The following CLSTN2 variants were observed in gnomAD, a reference collection of about 807,000 sequenced individuals.
The protein encoded by CLSTN2 is calsyntenin 2.
CLSTN2 carries 48 observed loss-of-function variants against 101.2 expected under a neutral mutation model. That is an observed-to-expected ratio of 0.47 (90% confidence interval 0.38 to 0.60). The LOEUF is 0.60. Among genes scored for constraint, CLSTN2 ranks in the 20% least tolerant of loss-of-function variants. The pLI, the probability that CLSTN2 is intolerant of heterozygous loss-of-function variation, is 0.00. For synonymous variants in CLSTN2, 481 were observed against 463.6 expected (o/e 1.04, Z -0.48); for missense variants, 1,160 against 1,238.2 (o/e 0.94, Z 0.95).
At chr3:139,995,430 G>C (rs1037532865) in intron 1 of CLSTN2, among the ~76,000 whole-genome samples, 1 of 152,174 alleles carries the variant, frequency 6.6e-6, no homozygotes, top group African/African-American at 2.4e-5. Context: ...TTCTCAAGCT[G>C]GGAGCCACAT....
chr3:140,520,215 C>T (rs1333687442), intron 8 of CLSTN2, among the ~76,000 whole-genome samples: 2 of 152,202 alleles, frequency 1.3e-5, no homozygotes, highest in South Asian at 4.2e-4. Context: ...CCTGGCCTTT[C>T]TCTCTGACTG....
At chr3:140,239,933 G>A (rs114788346) in intron 2 of CLSTN2, among the ~76,000 whole-genome samples, 15 of 8,908 alleles carry the variant, frequency 1.7e-3, no homozygotes, top group South Asian at 0.033. Flanking sequence ...GTATATATAT[G>A]TGTATATATA....
intron 1 of CLSTN2, among the ~76,000 whole-genome samples, chr3:140,083,441 T>A (rs570504715): frequency 4.1e-4 from 62 of 152,346 alleles, no homozygotes; most frequent in African/African-American, 1.4e-3. Context: ...AATGGATGAA[T>A]GAATTAATGA....
intron 1 of CLSTN2, among the ~76,000 whole-genome samples, chr3:140,044,457 C>A (rs945644656): frequency 1.6e-4 from 24 of 152,320 alleles, no homozygotes; most frequent in Admixed American, 1.1e-3. Flanking sequence ...TCTAGATATA[C>A]AATCATGTCA....
At chr3:140,221,432 C>T (rs958812577) in intron 2 of CLSTN2, among the ~76,000 whole-genome samples, 4 of 151,868 alleles carry the variant, frequency 2.6e-5, no homozygotes, top group Admixed American at 6.6e-5. Flanking sequence ...AAAAAAGTGA[C>T]TTGTGGAACA....
At chr3:139,992,084 G>A (rs1358104756) in intron 1 of CLSTN2, among the ~76,000 whole-genome samples, 1 of 152,128 alleles carries the variant, frequency 6.6e-6, no homozygotes, top group Non-Finnish European at 1.5e-5. Flanking sequence ...TGCTACTAGA[G>A]GAATGGAAAT....
intron 4 of CLSTN2, among the ~76,000 whole-genome samples, chr3:140,413,704 A>G (rs1223576132): frequency 1.3e-5 from 2 of 152,230 alleles, no homozygotes; most frequent in African/African-American, 2.4e-5. Flanking sequence ...ATCATACACC[A>G]TGATTAAGTG....
chr3:140,110,228 G>A (rs2009131493), intron 1 of CLSTN2, among the ~76,000 whole-genome samples: 1 of 152,088 alleles, frequency 6.6e-6, no homozygotes, highest in African/African-American at 2.4e-5. Flanking sequence ...TTTTAATTAG[G>A]ATGAAGTTCT....
intron 1 of CLSTN2, among the ~76,000 whole-genome samples, chr3:140,050,209 C>T (rs1290352687): frequency 6.6e-6 from 1 of 152,148 alleles, no homozygotes; most frequent in East Asian, 1.9e-4. Flanking sequence ...CTTTTTGAGT[C>T]TCTGTTTCTC....
intron 2 of CLSTN2, among the ~76,000 whole-genome samples, chr3:140,253,902 T>C (rs2086584109): frequency 6.6e-6 from 1 of 152,112 alleles, no homozygotes; most frequent in Non-Finnish European, 1.5e-5. Context: ...GTGATGTGTG[T>C]GAACTGTTAG....
At chr3:140,339,157 G>A (rs746441306) in intron 2 of CLSTN2, among the ~76,000 whole-genome samples, 11 of 152,204 alleles carry the variant, frequency 7.2e-5, no homozygotes, top group Non-Finnish European at 1.3e-4. Flanking sequence ...TTCTCAGAAC[G>A]TTGGTACCTT....
At chr3:140,200,930 T>C (rs1320407074) in intron 2 of CLSTN2, among the ~76,000 whole-genome samples, 2 of 152,124 alleles carry the variant, frequency 1.3e-5, no homozygotes, top group African/African-American at 2.4e-5. Context: ...CCAAAGGACC[T>C]TGATAGCATA....
intron 1 of CLSTN2, among the ~76,000 whole-genome samples, chr3:140,119,488 T>C: frequency 6.6e-6 from 1 of 152,158 alleles, no homozygotes; most frequent in East Asian, 1.9e-4. Flanking sequence ...ATTGTTGGAA[T>C]GTATGGGAGG....
intron 8 of CLSTN2, chr3:140,507,954 G>C (rs932618341): frequency 1.3e-5 from 2 of 152,156 alleles, no homozygotes; most frequent in Non-Finnish European, 2.9e-5. Flanking sequence ...CCAATCCCAA[G>C]TAAGTGGATA....
chr3:140,185,481 A>G (rs537148065), intron 2 of CLSTN2, among the ~76,000 whole-genome samples: 1 of 152,290 alleles, frequency 6.6e-6, no homozygotes, highest in East Asian at 1.9e-4. Context: ...ATGCAAACAC[A>G]TTATGGTATT....
At chr3:139,997,047 C>CAAAA (rs369329154) in intron 1 of CLSTN2, among the ~76,000 whole-genome samples, 2 of 84,964 alleles carry the variant, frequency 2.4e-5, no homozygotes, top group Non-Finnish European at 2.1e-5. Flanking sequence ...GACTCTGTCT[C>CAAAA]AAAAAAAAAA....
At chr3:140,207,735 T>A (rs929113818) in intron 2 of CLSTN2, among the ~76,000 whole-genome samples, 1 of 152,148 alleles carries the variant, frequency 6.6e-6, no homozygotes, top group East Asian at 1.9e-4. Context: ...TTCGAATTGC[T>A]GGGTCAAGTG....
At chr3:140,076,681 T>A in intron 1 of CLSTN2, among the ~76,000 whole-genome samples, 1 of 138,194 alleles carries the variant, frequency 7.2e-6, no homozygotes, top group African/African-American at 2.7e-5. Context: ...ACCTTCTCTC[T>A]GAAGTCTTCC....
intron 2 of CLSTN2, among the ~76,000 whole-genome samples, chr3:140,333,289 A>T (rs1012048235): frequency 2.6e-5 from 4 of 152,174 alleles, no homozygotes; most frequent in Non-Finnish European, 4.4e-5. Context: ...AGATCTGATT[A>T]TGCACTTCTT....
Sources: allele counts gnomAD v4.1 joint callset (sites outside exome capture counted in the v4.1 genomes callset), GRCh38; gene constraint gnomAD v4.1.1; transcripts MANE v1.5; gene names NCBI Gene and HGNC (gene_info 2026-07-23, HGNC 2026-07-21).